The following RIMKLB variants were observed in gnomAD, a reference collection of about 807,000 sequenced individuals.
RIMKLB encodes ribosomal modification protein rimK like family member B, also known as beta-citrylglutamate synthase B.
RIMKLB carries 7 observed loss-of-function variants against 32.0 expected under a neutral mutation model. The observed-to-expected ratio is 0.22, with a 90% CI of 0.12 to 0.41. The LOEUF is 0.41. RIMKLB is among the 10% of genes least tolerant of loss of function. RIMKLB has a pLI of 1.00. For missense variants in RIMKLB, 289 were observed against 498.7 expected (o/e 0.58, Z 4.00); for synonymous variants, 172 against 185.1 (o/e 0.93, Z 0.57).
chr12:8,711,352 T>G (rs116680619), intron 1 of RIMKLB, among the ~76,000 whole-genome samples: 3,166 of 151,958 alleles, frequency 0.021, 110 homozygotes, highest in African/African-American at 0.072. Context: ...TGGGCTATGA[T>G]TGCACCACTG....
chr12:8,758,161 G>A (rs971437217), intron 5 of RIMKLB, among the ~76,000 whole-genome samples: 1 of 151,604 alleles, frequency 6.6e-6, no homozygotes, highest in Admixed American at 6.6e-5. Context: ...CTTTTTTTTA[G>A]TGCATATTCT....
At chr12:8,716,541 A>C (rs1591707752) in intron 2 of RIMKLB, among the ~76,000 whole-genome samples, 1 of 142,122 alleles carries the variant, frequency 7.0e-6, no homozygotes, top group African/African-American at 2.6e-5. Flanking sequence ...ATCCTGGCTC[A>C]GGCTATCATG....
upstream of RIMKLB, among the ~76,000 whole-genome samples, chr12:8,696,389 G>A (rs956815947): frequency 6.6e-6 from 1 of 152,116 alleles, no homozygotes; most frequent in African/African-American, 2.4e-5. Flanking sequence ...CTATCTTATA[G>A]GGCGTTTGTT....
intron 2 of RIMKLB, among the ~76,000 whole-genome samples, chr12:8,743,269 G>A (rs1318874344): frequency 4.1e-5 from 6 of 145,480 alleles, no homozygotes; most frequent in Non-Finnish European, 9.0e-5. Flanking sequence ...CAAGAGAATT[G>A]TTTGCACCTG....
chr12:8,742,037 A>G (rs921102162), intron 2 of RIMKLB, among the ~76,000 whole-genome samples: 5 of 150,626 alleles, frequency 3.3e-5, no homozygotes, highest in Admixed American at 6.6e-5. Context: ...AGTAGCTGGG[A>G]TTACAGGCAT....
rs1166987646 is a variant in RIMKLB at position 8,774,168 on chromosome 12, C to T, written c.*384C>T. The T allele has an allele frequency of 1.0e-6, 1 of 997,878 alleles. No homozygotes were observed. Among genetic ancestry groups the T allele is most frequent in the South Asian group, 4.4e-5 (1 of 22,724 alleles). The allele number at this position is 997,878 out of a possible 1,614,324, so 61.8% of individuals were successfully genotyped here. A position where few individuals can be genotyped will look rare whatever the true frequency, so the allele number is the denominator to read the frequency against. On this transcript the variant is annotated 3_prime_UTR_variant, in exon 6 of 6. Coordinates refer to ENST00000535829, the MANE Select transcript of RIMKLB (RefSeq NM_001297776.2). ...CAAATATCCAAGTAGCATAACTTCA[C>T]ATTGTGTTGGAAGATTTGTCATCAG...
intron 2 of RIMKLB, among the ~76,000 whole-genome samples, chr12:8,728,886 C>T (rs1204582415): frequency 6.6e-6 from 1 of 152,082 alleles, no homozygotes; most frequent in South Asian, 2.1e-4. Context: ...TTCCACCTGC[C>T]TCTGAAGCAG....
At chr12:8,707,292 T>G (rs1443944766) in intron 1 of RIMKLB, among the ~76,000 whole-genome samples, 2 of 152,196 alleles carry the variant, frequency 1.3e-5, no homozygotes, top group Non-Finnish European at 2.9e-5. Context: ...TGGCTTTAAG[T>G]TGGAGTTCCC....
intron 2 of RIMKLB, among the ~76,000 whole-genome samples, chr12:8,740,318 C>T (rs753568104): frequency 3.3e-5 from 5 of 152,108 alleles, no homozygotes; most frequent in African/African-American, 1.2e-4. Context: ...CTTTTTTCCC[C>T]GATGGTCATT....
At chr12:8,756,737 G>C (rs1021599703) in intron 5 of RIMKLB, among the ~76,000 whole-genome samples, 1 of 132,524 alleles carries the variant, frequency 7.5e-6, no homozygotes, top group Non-Finnish European at 1.5e-5. Flanking sequence ...TGCCACCCAG[G>C]CTGAAGTACG....
intron 1 of RIMKLB, among the ~76,000 whole-genome samples, chr12:8,705,873 G>A (rs1346914109): frequency 6.6e-6 from 1 of 152,078 alleles, no homozygotes; most frequent in Non-Finnish European, 1.5e-5. Flanking sequence ...TGAGTCTTGA[G>A]GAAGAGTTCC....
upstream of RIMKLB, among the ~76,000 whole-genome samples, chr12:8,696,213 C>T (rs947983969): frequency 6.6e-6 from 1 of 152,124 alleles, no homozygotes; most frequent in African/African-American, 2.4e-5. Context: ...GTCAGATTTT[C>T]AGTGTTAGTA....
At chr12:8,698,804 T>TA (rs549946156) in intron 1 of RIMKLB, among the ~76,000 whole-genome samples, 63 of 152,188 alleles carry the variant, frequency 4.1e-4, no homozygotes, top group Admixed American at 6.5e-4. Flanking sequence ...TTTTCCTCCT[T>TA]ACGTGTAAAT....
chr12:8,766,532 G>C (rs1949981685), intron 5 of RIMKLB, among the ~76,000 whole-genome samples: 1 of 152,196 alleles, frequency 6.6e-6, no homozygotes, highest in Non-Finnish European at 1.5e-5. Context: ...GAGTCTTTTT[G>C]ATTCTGTAAG....
At chr12:8,754,454 G>A (rs1225408895) in intron 5 of RIMKLB, among the ~76,000 whole-genome samples, 4 of 152,006 alleles carry the variant, frequency 2.6e-5, no homozygotes, top group African/African-American at 7.3e-5. Context: ...TTTACCCATT[G>A]GTCCAAACAA....
intron 2 of RIMKLB, among the ~76,000 whole-genome samples, chr12:8,716,677 A>T (rs1944876588): frequency 6.7e-6 from 1 of 148,840 alleles, no homozygotes. Context: ...CATGGCTTCA[A>T]ATTTTAATGA....
chr12:8,728,682 G>A (rs949704325), intron 2 of RIMKLB, among the ~76,000 whole-genome samples: 1 of 151,940 alleles, frequency 6.6e-6, no homozygotes, highest in Non-Finnish European at 1.5e-5. Flanking sequence ...CATGATGTTG[G>A]CTCACTGCAA....
chr12:8,758,210 G>A (rs1949223867), intron 5 of RIMKLB, among the ~76,000 whole-genome samples: 1 of 150,806 alleles, frequency 6.6e-6, no homozygotes, highest in Non-Finnish European at 1.5e-5. Context: ...GGTCCTTTGT[G>A]TCCTTTTTTA....
chr12:8,731,721 G>C (rs1946566601), intron 2 of RIMKLB, among the ~76,000 whole-genome samples: 1 of 152,072 alleles, frequency 6.6e-6, no homozygotes, highest in South Asian at 2.1e-4. Flanking sequence ...ATGTAGAATA[G>C]TCTCCTGTCA....
Sources: allele counts gnomAD v4.1 joint callset (sites outside exome capture counted in the v4.1 genomes callset), GRCh38; gene constraint gnomAD v4.1.1; transcripts MANE v1.5; gene names NCBI Gene and HGNC (gene_info 2026-07-23, HGNC 2026-07-21).